The following CNTNAP2 variants were observed in gnomAD, a reference collection of about 807,000 sequenced individuals.
CNTNAP2 encodes contactin associated protein 2, also known as contactin-associated protein-like 2.
A neutral mutation model predicts 155.2 loss-of-function variants in CNTNAP2; 98 were observed. That is an observed-to-expected ratio of 0.63 (90% CI 0.54 to 0.75). The LOEUF is 0.75. CNTNAP2 is among the 30% of genes least tolerant of loss of function. The probability of loss-of-function intolerance (pLI) is 0.00; values close to 1 mark genes in which losing one functional copy is unlikely to be tolerated. For synonymous variants in CNTNAP2, 651 were observed against 631.2 expected, an observed-to-expected ratio of 1.03 and a Z score of -0.47; for missense variants, 1,727 against 1,688.1, an observed-to-expected ratio of 1.02 and a Z score of -0.40.
intron 3 of CNTNAP2, among the ~76,000 whole-genome samples, chr7:146,932,700 C>T (rs905657691): frequency 6.6e-6 from 1 of 152,130 alleles, no homozygotes; most frequent in Non-Finnish European, 1.5e-5. Context: ...ATTGTCTCAG[C>T]CCAAAATCTC....
intron 2 of CNTNAP2, among the ~76,000 whole-genome samples, chr7:146,833,346 G>A (rs1803552188): frequency 6.6e-6 from 1 of 152,062 alleles, no homozygotes; most frequent in African/African-American, 2.4e-5. Flanking sequence ...CTTCTTGACA[G>A]CCAGTCTCTC....
chr7:146,379,517 A>G (rs1333083639), intron 1 of CNTNAP2, among the ~76,000 whole-genome samples: 1 of 152,184 alleles, frequency 6.6e-6, no homozygotes, highest in Non-Finnish European at 1.5e-5. Flanking sequence ...ACCAATGGCA[A>G]CTTCTTCCCT....
intron 3 of CNTNAP2, among the ~76,000 whole-genome samples, chr7:146,915,009 A>G (rs758175988): frequency 6.6e-6 from 1 of 151,994 alleles, no homozygotes; most frequent in Non-Finnish European, 1.5e-5. Context: ...GTGAGAGATG[A>G]GGATCCAGTT....
At chr7:146,283,510 G>C (rs1800282604) in intron 1 of CNTNAP2, among the ~76,000 whole-genome samples, 1 of 152,120 alleles carries the variant, frequency 6.6e-6, no homozygotes, top group African/African-American at 2.4e-5. Flanking sequence ...AGGGACCACA[G>C]GTGTGAGCCA....
At chr7:148,246,259 T>C (rs1190001639) in intron 20 of CNTNAP2, among the ~76,000 whole-genome samples, 1 of 152,244 alleles carries the variant, frequency 6.6e-6, no homozygotes, top group Non-Finnish European at 1.5e-5. Context: ...CTAAAAAGGA[T>C]GTGTCTGCTA....
At chr7:148,255,655 G>A (rs1482715087) in intron 20 of CNTNAP2, among the ~76,000 whole-genome samples, 1 of 152,098 alleles carries the variant, frequency 6.6e-6, no homozygotes, top group Non-Finnish European at 1.5e-5. Context: ...GACCTTAAGA[G>A]GCAGATATAT....
intron 13 of CNTNAP2, among the ~76,000 whole-genome samples, chr7:147,740,200 C>T (rs578127246): frequency 6.6e-6 from 1 of 152,198 alleles, no homozygotes; most frequent in African/African-American, 2.4e-5. Flanking sequence ...CATTCTGATT[C>T]TACTTTGGTA....
chr7:148,098,444 GAAAAA>G (rs61014019), intron 15 of CNTNAP2, among the ~76,000 whole-genome samples: 15 of 56,404 alleles, frequency 2.7e-4, no homozygotes, highest in African/African-American at 1.1e-3. Context: ...CTCTGTCTCA[GAAAAA>G]AAAAAAAAAA....
chr7:147,970,343 T>G (rs1482971767), intron 14 of CNTNAP2, among the ~76,000 whole-genome samples: 2 of 152,152 alleles, frequency 1.3e-5, no homozygotes, highest in East Asian at 3.9e-4. Context: ...TTCTTATAGG[T>G]TTTTACCTTT....
chr7:148,413,876 C>T (rs372063135), intron 23 of CNTNAP2, among the ~76,000 whole-genome samples: 39 of 152,086 alleles, frequency 2.6e-4, no homozygotes, highest in African/African-American at 8.7e-4. Flanking sequence ...GTAGCTATTC[C>T]AGCTTATGAT....
rs1795482594 is a variant in CNTNAP2, at chr7:146,878,855, T to A, written c.402+38951T>A. Among the ~76,000 whole-genome samples the A allele has an allele frequency of 2.0e-5, 3 of 152,200 alleles. No individual in the cohort carries two copies. In the South Asian group the frequency reaches 6.2e-4, roughly 31 times the overall value. On this transcript the variant is annotated intron_variant, in intron 3 of 23. Transcript: ENST00000361727. ...ATTGAAATGTCCAACTCAAAGCAGC[T>A]CTGACCACTTTCAAGAACTCCTAGT...
intron 8 of CNTNAP2, among the ~76,000 whole-genome samples, chr7:147,252,859 C>A (rs1804231258): frequency 6.6e-6 from 1 of 152,134 alleles, no homozygotes; most frequent in Admixed American, 6.5e-5. Flanking sequence ...GATGATAAAC[C>A]TGAGACACTG....
At chr7:146,322,338 A>G (rs989390829) in intron 1 of CNTNAP2, among the ~76,000 whole-genome samples, 1 of 152,198 alleles carries the variant, frequency 6.6e-6, no homozygotes, top group Non-Finnish European at 1.5e-5. Flanking sequence ...CGGCTAACTC[A>G]GATGTATGAG....
chr7:147,067,941 A>T (rs933623120), intron 4 of CNTNAP2, among the ~76,000 whole-genome samples: 6 of 152,216 alleles, frequency 3.9e-5, no homozygotes, highest in Non-Finnish European at 7.3e-5. Context: ...TTTGTGGACC[A>T]GGTGTCTGGG....
At chr7:148,355,266 C>T (rs955136345) in intron 21 of CNTNAP2, among the ~76,000 whole-genome samples, 1 of 138,866 alleles carries the variant, frequency 7.2e-6, no homozygotes, top group African/African-American at 2.7e-5. Context: ...ACTACAAGCT[C>T]CGCCTCCCAG....
intron 1 of CNTNAP2, among the ~76,000 whole-genome samples, chr7:146,306,813 G>T (rs1800721238): frequency 6.6e-6 from 1 of 152,038 alleles, no homozygotes. Context: ...AATAAACTAG[G>T]TCTTGATGTA....
At chr7:148,057,802 T>C (rs1803049018) in intron 15 of CNTNAP2, among the ~76,000 whole-genome samples, 2 of 152,056 alleles carry the variant, frequency 1.3e-5, no homozygotes, top group Non-Finnish European at 2.9e-5. Context: ...TGGGTTCAAA[T>C]CATAATGCTG....
At chr7:147,800,550 T>C (rs993827818) in intron 13 of CNTNAP2, among the ~76,000 whole-genome samples, 1 of 152,122 alleles carries the variant, frequency 6.6e-6, no homozygotes, top group African/African-American at 2.4e-5. Context: ...TAGATCTCCC[T>C]ACGTTTGTTG....
At chr7:147,859,884 T>G (rs1220512603) in intron 13 of CNTNAP2, among the ~76,000 whole-genome samples, 1 of 152,232 alleles carries the variant, frequency 6.6e-6, no homozygotes, top group South Asian at 2.1e-4. Flanking sequence ...CTTACTTATC[T>G]GTCTCTCATA....
Sources: gnomAD v4.1 joint callset for allele counts (sites outside exome capture counted in the v4.1 genomes callset) on GRCh38, gnomAD v4.1.1 for gene constraint, MANE v1.5 for transcripts, NCBI Gene and HGNC (gene_info 2026-07-23, HGNC 2026-07-21) for gene names.